Variants in ZNF541 observed in about 807,000 individuals in gnomAD.
ZNF541 encodes zinc finger protein 541.
ZNF541 carries 23 observed loss-of-function variants against 123.5 expected under a neutral mutation model. That is an observed-to-expected ratio of 0.19 (90% CI 0.13 to 0.26). The LOEUF is 0.26. ZNF541 is among the 10% of genes least tolerant of loss of function. ZNF541 has a pLI of 1.00. For synonymous variants in ZNF541, 751 were observed against 754.5 expected (o/e 1.00, Z 0.08); for missense variants, 1,612 against 1,789.9 (o/e 0.90, Z 1.79).
intron 2 of ZNF541, among the ~76,000 whole-genome samples, chr19:47,568,937 T>C (rs1006468866): frequency 1.3e-5 from 2 of 152,184 alleles, no homozygotes; most frequent in African/African-American, 2.4e-5. Context: ...CTCAAAATGC[T>C]AGGATTACAG....
intron 1 of ZNF541, among the ~76,000 whole-genome samples, chr19:47,572,281 T>C (rs182416267): frequency 1.8e-3 from 281 of 152,230 alleles, no homozygotes; most frequent in Admixed American, 3.7e-3. Context: ...AGAAACTTAA[T>C]TAGGGCAGAA....
intron 12 of ZNF541, 137 bp downstream of exon 12, chr19:47,531,505 C>A: frequency 1.6e-6 from 1 of 606,080 alleles, no homozygotes; most frequent in Non-Finnish European, 2.8e-6. Context: ...ACTGCAATCC[C>A]AAAGCCGCTG....
At chr19:47,542,014 G>A (rs916629738) in intron 5 of ZNF541, among the ~76,000 whole-genome samples, 2 of 152,104 alleles carry the variant, frequency 1.3e-5, no homozygotes, top group Non-Finnish European at 2.9e-5. Context: ...CAAATAAAAC[G>A]CGGCCTTATC....
At chr19:47,524,715 A>T (rs1969204722) in intron 14 of ZNF541, among the ~76,000 whole-genome samples, 1 of 151,782 alleles carries the variant, frequency 6.6e-6, no homozygotes, top group Non-Finnish European at 1.5e-5. Flanking sequence ...CTAAAAAAAA[A>T]AAAAAAAAAA....
intron 2 of ZNF541, among the ~76,000 whole-genome samples, chr19:47,558,152 T>C (rs58219087): frequency 0.043 from 6,577 of 152,184 alleles, 366 homozygotes; most frequent in African/African-American, 0.13. Flanking sequence ...CGTGGTGGCT[T>C]ACGCCTGTAA....
intron 14 of ZNF541, among the ~76,000 whole-genome samples, chr19:47,524,250 C>T (rs1031989437): frequency 2.0e-5 from 3 of 152,178 alleles, no homozygotes; most frequent in Non-Finnish European, 4.4e-5. Flanking sequence ...TCACAATGCC[C>T]GTGATCTGGT....
chr19:47,528,862 G>A, intron 14 of ZNF541, 88 bp downstream of exon 14: 1 of 1,053,728 alleles, frequency 9.5e-7, no homozygotes, highest in Non-Finnish European at 1.4e-6. Flanking sequence ...TGAGGGTGGG[G>A]CCCTCCGACC....
intron 9 of ZNF541, among the ~76,000 whole-genome samples, chr19:47,535,719 CCA>C (rs1411299035): frequency 6.6e-6 from 1 of 152,028 alleles, no homozygotes; most frequent in African/African-American, 2.4e-5. Flanking sequence ...CTGTTTCACC[CCA>C]GAGTTGTTTT....
In ZNF541 at chr19:47,538,158, G is replaced by A; in HGVS notation, c.3078C>T (p.Leu1026=). The A allele has an allele frequency of 1.9e-6, 3 of 1,550,908 alleles. No homozygotes were observed. Among genetic ancestry groups the A allele is most frequent in the Non-Finnish European group, 1.7e-6 (2 of 1,146,972 alleles). ...CTCACTCACCGAGCATGGAGCTGAT[G>A]AGCTGGTCAGGGCTGGCCTGAGTGG... The part of the protein sequence containing the change: ...STSTQASPDQ[L]ISSMLDQVDG... Residue 1026 remains leucine, a synonymous_variant, in exon 9 of 17, where the codon CTC becomes CTT. Transcript: ENST00000391901.
At chr19:47,536,046 C>T (rs1241112951) in intron 9 of ZNF541, among the ~76,000 whole-genome samples, 1 of 152,142 alleles carries the variant, frequency 6.6e-6, no homozygotes, top group Non-Finnish European at 1.5e-5. Context: ...AAGGGATGGG[C>T]CAAAATATAG....
chr19:47,546,511 C>CAATA (rs138411242), intron 4 of ZNF541, among the ~76,000 whole-genome samples: 9,843 of 149,844 alleles, frequency 0.066, 787 homozygotes, highest in African/African-American at 0.2. Flanking sequence ...GACTCTATCT[C>CAATA]AATAAACAAA....
intron 4 of ZNF541, among the ~76,000 whole-genome samples, chr19:47,547,974 AG>A (rs1970425791): frequency 6.7e-6 from 1 of 149,406 alleles, no homozygotes; most frequent in African/African-American, 2.5e-5. Context: ...CAGGAGGCAG[AG>A]GCTTGCAGTG....
intron 2 of ZNF541, among the ~76,000 whole-genome samples, chr19:47,570,829 T>C (rs1428515853): frequency 2.0e-5 from 3 of 151,074 alleles, no homozygotes; most frequent in East Asian, 2.0e-4. Context: ...ACGCCTGCAG[T>C]CCCAGCTACT....
rs367990795 is a variant in ZNF541, at chr19:47,532,303, G to A, written c.3159-33C>T. ...GAGGCCACACACAGATAAGGGAGAC[G>A]TACAAACATGACTGAGATGGGAAGT... On this transcript the variant is annotated intron_variant, in intron 10 of 16. Transcript: ENST00000391901. The A allele has an allele frequency of 1.2e-4, 192 of 1,548,118 alleles. No homozygotes were observed. The African/African-American group carries it at 2.0e-3, about 16-fold the overall frequency.
At chr19:47,526,148 C>T (rs1163350640) in intron 14 of ZNF541, among the ~76,000 whole-genome samples, 1 of 152,030 alleles carries the variant, frequency 6.6e-6, no homozygotes, top group African/African-American at 2.4e-5. Flanking sequence ...GGATAAATGA[C>T]GTGTCCTGAA....
Position 47,521,191 on chromosome 19 carries a change from T to G in ZNF541, c.*33A>C, listed in dbSNP as rs1408203969. ...AGGCCGAAGGGAGGAGGGGCAGCACTGGAGGCCCCATTCGGACTTGCTGCC... is the reference window on the plus strand; with the variant it reads ...AGGCCGAAGGGAGGAGGGGCAGCACGGGAGGCCCCATTCGGACTTGCTGCC... On this transcript the variant is annotated 3_prime_UTR_variant, in exon 17 of 17. Coordinates refer to ENST00000391901, the MANE Select transcript of ZNF541 (RefSeq NM_001277075.3). This position sits in a 1 kb window ranked among gnomAD's most constrained non-coding sequence, Gnocchi z 4.2. 2 of 1,546,642 alleles carry G rather than the reference T, an allele frequency of 1.3e-6. No individual in the cohort carries two copies. The highest frequency in any genetic ancestry group is 1.7e-6 in the Non-Finnish European group (2 of 1,144,116).
chr19:47,549,268 C>T lies in ZNF541; in HGVS notation c.525G>A (p.Lys175=). The T allele has an allele frequency of 6.4e-7, 1 of 1,552,072 alleles. No individual in the cohort carries two copies. Among genetic ancestry groups the T allele is most frequent in the Non-Finnish European group, 8.7e-7 (1 of 1,147,080 alleles). The change falls in exon 4 of 17, where the codon AAG becomes AAA. Residue 175 remains lysine (K), a synonymous_variant. Coordinates refer to ENST00000391901, the MANE Select transcript of ZNF541 (RefSeq NM_001277075.3). ...ACAGGTGGTCCTGGCGCTTAAAGGC[C>T]TTGCTGCAGATTTTGCAGACGTGCT... ...ERKHVCKICS[K]AFKRQDHLTG... is the part of the protein sequence containing the mutation.
At chr19:47,523,083 G>A (rs896561926) in intron 14 of ZNF541, among the ~76,000 whole-genome samples, 9 of 148,466 alleles carry the variant, frequency 6.1e-5, no homozygotes, top group Non-Finnish European at 1.2e-4. Flanking sequence ...ACTCCAGAGC[G>A]AGTATCTTTT....
intron 2 of ZNF541, among the ~76,000 whole-genome samples, chr19:47,569,152 A>T (rs1300778325): frequency 6.6e-6 from 1 of 152,068 alleles, no homozygotes; most frequent in African/African-American, 2.4e-5. Flanking sequence ...AACGAGGTAG[A>T]TCTGAGGGAC....
Sources: gnomAD v4.1 joint callset for allele counts (sites outside exome capture counted in the v4.1 genomes callset) on GRCh38, gnomAD v4.1.1 for gene constraint, Gnocchi (gnomAD v3.1) non-coding constraint, MANE v1.5 for transcripts, NCBI Gene and HGNC (gene_info 2026-07-23, HGNC 2026-07-21) for gene names.